The following CERS1 variants were observed in gnomAD, a reference collection of about 807,000 sequenced individuals.
CERS1 encodes ceramide synthase 1.
In CERS1, 16 loss-of-function variants were observed where a neutral mutation model predicts 35.7. That is an observed-to-expected ratio of 0.45 (90% CI 0.30 to 0.68). CERS1 has a LOEUF of 0.68. Among genes scored for constraint, CERS1 ranks in the 30% least tolerant of loss-of-function variants. The pLI is 0.08. For synonymous variants in CERS1, 243 were observed against 201.6 expected (o/e 1.21, Z -1.74); for missense variants, 454 against 453.9 (o/e 1.00, Z 0.00).
chr19:18,877,956 G>A (rs1248941785), intron 6 of CERS1: 1 of 982,970 alleles, frequency 1.0e-6, no homozygotes, highest in Non-Finnish European at 1.2e-6. Flanking sequence ...CTACACCCAA[G>A]GCGAATCTGA....
rs1357573815 is a variant in CERS1 at position 18,879,353 on chromosome 19, A to G, written c.788T>C (p.Val263Ala). ...ACTGCAGTGACTGGTGGCATACAGG[A>G]CCTTGAGCGGGAACCAGTAGAGGCG... ...WFRLYWFPLK[V>A]LYATSHCSLR... Residue 263 changes from valine (V) to alanine (A), a missense_variant, in exon 5 of 8, where the codon GTC becomes GCC. Coordinates refer to ENST00000623882, the MANE Select transcript of CERS1 (RefSeq NM_021267.5). 8.8e-6 allele frequency: 14 copies of G among 1,591,288 alleles called. No individual in the cohort carries two copies. The highest frequency in any genetic ancestry group is 1.2e-5 in the Non-Finnish European group (14 of 1,169,284).
In CERS1 at chr19:18,878,304, C is replaced by T; in HGVS notation, c.1010+626G>A. ...CATCCCTGGCCCAGACACCCCCTGC[C>T]TGCCCCAGGCCTGGGGCTTCGGACA... On this transcript the variant is annotated intron_variant, in intron 6 of 7. Coordinates refer to ENST00000623882, the MANE Select transcript of CERS1 (RefSeq NM_021267.5). This position sits in a 1 kb window ranked among gnomAD's most constrained non-coding sequence, Gnocchi z 4.6. The T allele has an allele frequency of 5.1e-6, 5 of 986,118 alleles. No individual in the cohort carries two copies. Among genetic ancestry groups the T allele is most frequent in the Non-Finnish European group, 6.0e-6 (5 of 830,534 alleles). The allele number at this position is 986,118 out of a possible 1,614,324, so 61.1% of individuals were successfully genotyped here.
chr19:18,872,027 T>TC (rs889640370), intron 6 of CERS1, among the ~76,000 whole-genome samples: 1 of 152,198 alleles, frequency 6.6e-6, no homozygotes, highest in Non-Finnish European at 1.5e-5. Flanking sequence ...TTCCAGAGGG[T>TC]CCCCGTGCTT....
At position 18,895,931 on chromosome 19, in the gene CERS1, C is replaced by T; in HGVS notation, c.142G>A (p.Gly48Ser). ...TDCGWGLARR[G>S]LAEHAHLAPP... ...GCCAGGTGCGCGTGCTCAGCCAGGC[C>T]GCGACGCGCCAGCCCCCAGCCGCAG... The change falls in exon 1 of 8, where the codon GGC becomes AGC. Residue 48 changes from glycine to serine, a missense_variant. Coordinates refer to ENST00000623882, the MANE Select transcript of CERS1 (RefSeq NM_021267.5). This position sits in a 1 kb window ranked among gnomAD's most constrained non-coding sequence, Gnocchi z 6.4. 8.3e-7 allele frequency: 1 copy of T among 1,203,070 alleles called. No homozygotes were observed. Among genetic ancestry groups the T allele is most frequent in the Non-Finnish European group, 1.0e-6 (1 of 967,290 alleles). The allele number at this position is 1,203,070 out of a possible 1,614,324, so 74.5% of individuals were successfully genotyped here. A position where few individuals can be genotyped will look rare whatever the true frequency, so the allele number is the denominator to read the frequency against.
rs962221165 is a variant in CERS1, at chr19:18,878,417, C to A, written c.1010+513G>T. The A allele has an allele frequency of 5.2e-5, 52 of 990,704 alleles. No individual in the cohort carries two copies. Among genetic ancestry groups the A allele is most frequent in the Non-Finnish European group, 6.0e-5 (50 of 833,186 alleles). The allele number at this position is 990,704 out of a possible 1,614,324, so 61.4% of individuals were successfully genotyped here. ...CCTGGGCTGGACTGAGTCTGAGCTCCCAGCCCCAGCTCCTGTTTGGCCGGG... is the reference window on the plus strand; with the variant it reads ...CCTGGGCTGGACTGAGTCTGAGCTCACAGCCCCAGCTCCTGTTTGGCCGGG... On this transcript the variant is annotated intron_variant, in intron 6 of 7. Coordinates refer to ENST00000623882, the MANE Select transcript of CERS1 (RefSeq NM_021267.5). This position sits in a 1 kb window ranked among gnomAD's most constrained non-coding sequence, Gnocchi z 4.6.
chr19:18,882,143 C>T, intron 3 of CERS1: 1 of 154,254 alleles, frequency 6.5e-6, no homozygotes, highest in East Asian at 1.9e-4. Context: ...TTCAAATGAA[C>T]TGTTCCTTCC....
rs1017458774 is a variant in CERS1, at chr19:18,882,398, C to T, written c.590+1689G>A. ...CTGTAATCCCAGCACTTTGGGAGGC[C>T]GAGGCAGGTGGATCACTTGAGGTCA... On this transcript the variant is annotated intron_variant, in intron 3 of 7. Transcript: ENST00000623882. Among the ~76,000 whole-genome samples, 7 of 151,470 alleles carry T rather than the reference C, an allele frequency of 4.6e-5. No homozygotes were observed. In the East Asian group the frequency reaches 6.1e-4, roughly 13 times the overall value.
intron 2 of CERS1, among the ~76,000 whole-genome samples, chr19:18,892,256 T>C (rs1325997739): frequency 2.0e-5 from 3 of 151,908 alleles, no homozygotes; most frequent in South Asian, 2.1e-4. Context: ...CCCACCTCCA[T>C]AGGGCAGCCA....
chr19:18,870,149 G>A lies in CERS1; in HGVS notation c.*428C>T, dbSNP rs755093676. The A allele has an allele frequency of 8.6e-5, 135 of 1,562,656 alleles. 1 individual carries two copies. The highest frequency in any genetic ancestry group is 7.0e-4 in the Middle Eastern group (4 of 5,754). On this transcript the variant is annotated 3_prime_UTR_variant, in exon 7 of 8. Coordinates refer to ENST00000623882, the MANE Select transcript of CERS1 (RefSeq NM_021267.5). The surrounding 1 kb of genome is among the most constrained non-coding windows in gnomAD (Gnocchi z 5.1). ...TGACCGGGGGAACCGGCCGGAGCCT[G>A]GGGGCACCCTGGGGCTCATCGCGCA...
intron 6 of CERS1, among the ~76,000 whole-genome samples, chr19:18,874,950 C>A (rs970640241): frequency 6.6e-6 from 1 of 152,156 alleles, no homozygotes; most frequent in African/African-American, 2.4e-5. Flanking sequence ...ATTGAATTTT[C>A]GGAACCAGGC....
intron 3 of CERS1, among the ~76,000 whole-genome samples, chr19:18,882,519 C>G (rs1425290708): frequency 2.6e-5 from 4 of 151,508 alleles, no homozygotes; most frequent in African/African-American, 9.7e-5. Context: ...GTAATCCCAG[C>G]TACTTGGGAG....
At chr19:18,884,998 G>A (rs1035386488) in intron 2 of CERS1, among the ~76,000 whole-genome samples, 5 of 152,036 alleles carry the variant, frequency 3.3e-5, no homozygotes, top group Admixed American at 2.0e-4. Flanking sequence ...TTACAGGCGT[G>A]AGCCACCGTG....
chr19:18,879,142 G>C (rs1301595463), intron 5 of CERS1, 99 bp downstream of exon 5: 1 of 1,589,534 alleles, frequency 6.3e-7, no homozygotes, highest in Non-Finnish European at 8.6e-7. Flanking sequence ...CGGGCTGTCT[G>C]CCACCTAACG....
In CERS1 at chr19:18,880,545, C is replaced by T. The variant is rs2056179446; in HGVS notation, c.591-110G>A. The T allele has an allele frequency of 2.2e-5, 25 of 1,127,338 alleles. No homozygotes were observed. The South Asian group carries it at 4.1e-4, about 19-fold the overall frequency. 69.8% of individuals were successfully genotyped at this position (1,127,338 alleles called of 1,614,324 possible). A position where few individuals can be genotyped will look rare whatever the true frequency, so the allele number is the denominator to read the frequency against. The stretch of plus-strand genomic sequence containing the variant: ...GGCTACACCTCAGGCTCCCCGTGGG[C>T]CTCTTCAAAGCCACCCTTCCTGCCT... On this transcript the variant is annotated intron_variant, in intron 3 of 7. Coordinates refer to ENST00000623882, the MANE Select transcript of CERS1 (RefSeq NM_021267.5).
At chr19:18,884,880 A>C (rs189217501) in intron 2 of CERS1, among the ~76,000 whole-genome samples, 1 of 150,160 alleles carries the variant, frequency 6.7e-6, no homozygotes, top group African/African-American at 2.5e-5. Context: ...TGCCCGGCTA[A>C]TTTTTTTGTA....
chr19:18,870,050 G>C lies in CERS1; in HGVS notation c.*527C>G. 1 of 1,592,596 alleles carries C rather than the reference G, an allele frequency of 6.3e-7. No homozygotes were observed. The highest frequency in any genetic ancestry group is 1.1e-5 in the South Asian group (1 of 88,452). Reference sequence around the variant, plus strand: ...GCTCCTCCACGTGGCACGGTTGCAGGGTGACCCCTGGGGACGTCCGCCGCG... The same window carrying C: ...GCTCCTCCACGTGGCACGGTTGCAGCGTGACCCCTGGGGACGTCCGCCGCG... On this transcript the variant is annotated 3_prime_UTR_variant, in exon 7 of 8. Transcript: ENST00000623882. This position sits in a 1 kb window ranked among gnomAD's most constrained non-coding sequence, Gnocchi z 5.1.
chr19:18,891,595 C>T (rs2056492246), intron 2 of CERS1, among the ~76,000 whole-genome samples: 1 of 152,082 alleles, frequency 6.6e-6, no homozygotes, highest in Non-Finnish European at 1.5e-5. Flanking sequence ...CCCCCAACCC[C>T]CAGGCAGGGT....
Position 18,878,888 on chromosome 19 carries a change from A to C in CERS1, c.1010+42T>G, listed in dbSNP as rs751589780. 6.2e-7 allele frequency: 1 copy of C among 1,605,570 alleles called. No homozygotes were observed. The highest frequency in any genetic ancestry group is 8.5e-7 in the Non-Finnish European group (1 of 1,176,686). On this transcript the variant is annotated intron_variant, in intron 6 of 7. Coordinates refer to ENST00000623882, the MANE Select transcript of CERS1 (RefSeq NM_021267.5). This position sits in a 1 kb window ranked among gnomAD's most constrained non-coding sequence, Gnocchi z 4.6. ...CCACGAACACGCTTGGACGGGTGAC[A>C]CTAAAGGAGGGAACGCGGGGTGCGG...
chr19:18,880,218 A>C (rs1601165060), intron 4 of CERS1, 56 bp downstream of exon 4: 2 of 1,444,202 alleles, frequency 1.4e-6, no homozygotes, highest in Non-Finnish European at 1.8e-6. Flanking sequence ...TTTTCTGGAC[A>C]CACCCACCTC....
Sources: gnomAD v4.1 joint callset for allele counts (sites outside exome capture counted in the v4.1 genomes callset) on GRCh38, gnomAD v4.1.1 for gene constraint, Gnocchi (gnomAD v3.1) non-coding constraint, MANE v1.5 for transcripts, NCBI Gene and HGNC (gene_info 2026-07-23, HGNC 2026-07-21) for gene names.